MICU3: variants seen among roughly 807,000 people sequenced by gnomAD.
The protein encoded by MICU3 is mitochondrial calcium uptake 3.
Under a neutral mutation model 66.5 loss-of-function variants are expected in MICU3, and 62 were observed. The observed-to-expected ratio is 0.93, with a 90% CI of 0.76 to 1.15. MICU3 has a LOEUF of 1.15. Among genes scored for constraint, MICU3 ranks in the 50% most tolerant of loss-of-function variants. The pLI, the probability that MICU3 is intolerant of heterozygous loss-of-function variation, is 0.00. For missense variants in MICU3, 779 were observed against 664.4 expected (o/e 1.17, Z -1.90); for synonymous variants, 308 against 240.7 (o/e 1.28, Z -2.59).
chr8:17,086,838 C>T (rs1753459620), intron 6 of MICU3, 126 bp from the exon 7 acceptor site: 3 of 642,788 alleles, frequency 4.7e-6, no homozygotes, highest in African/African-American at 1.9e-5. Flanking sequence ...AGATCTATAG[C>T]AGTTTAAATG....
downstream of MICU3, among the ~76,000 whole-genome samples, chr8:17,123,962 A>C (rs1327525515): frequency 1.3e-5 from 2 of 151,158 alleles, no homozygotes; most frequent in South Asian, 2.1e-4. Context: ...AAAAAAAAAA[A>C]AAACCACCAT....
chr8:17,127,629 C>T (rs1803437114), downstream of MICU3, among the ~76,000 whole-genome samples: 1 of 152,160 alleles, frequency 6.6e-6, no homozygotes. Context: ...GCTACTAATT[C>T]AGTTTCTCAT....
At chr8:17,110,225 T>C (rs1753021485) in intron 11 of MICU3, among the ~76,000 whole-genome samples, 1 of 152,214 alleles carries the variant, frequency 6.6e-6, no homozygotes, top group African/African-American at 2.4e-5. Flanking sequence ...AGTTAGTCTT[T>C]TCCTCTTCCT....
chr8:17,103,012 A>G (rs1052746819), intron 9 of MICU3, among the ~76,000 whole-genome samples: 1 of 151,998 alleles, frequency 6.6e-6, no homozygotes, highest in Non-Finnish European at 1.5e-5. Context: ...AATGTCAACA[A>G]TTTTAGATAA....
chr8:17,050,600 T>TC (rs1442235998), intron 1 of MICU3, among the ~76,000 whole-genome samples: 1 of 152,170 alleles, frequency 6.6e-6, no homozygotes, highest in Non-Finnish European at 1.5e-5. Context: ...TGAGATCTAT[T>TC]CAAGTCTCAG....
At chr8:17,031,315 C>G (rs1248641453) in intron 1 of MICU3, among the ~76,000 whole-genome samples, 1 of 136,452 alleles carries the variant, frequency 7.3e-6, no homozygotes, top group East Asian at 2.1e-4. Flanking sequence ...TGAGACATAG[C>G]ATCGCTCTAT....
At chr8:17,134,797 C>G in the MICU3 span, among the ~76,000 whole-genome samples, 1 of 152,062 alleles carries the variant, frequency 6.6e-6, no homozygotes, top group Non-Finnish European at 1.5e-5. Flanking sequence ...TGTGGCCTGC[C>G]CACATCAGGG....
chr8:17,032,400 C>T (rs1056543086), intron 1 of MICU3, among the ~76,000 whole-genome samples: 7 of 151,476 alleles, frequency 4.6e-5, no homozygotes, highest in Admixed American at 1.3e-4. Context: ...AATAAAAAAA[C>T]GATTAGATTG....
intron 1 of MICU3, among the ~76,000 whole-genome samples, chr8:17,056,242 C>T (rs1167105909): frequency 1.3e-5 from 2 of 152,202 alleles, no homozygotes; most frequent in African/African-American, 4.8e-5. Context: ...TCTACTTACT[C>T]TTCTTTGAAT....
At chr8:17,061,505 C>G (rs1247263863) in intron 1 of MICU3, among the ~76,000 whole-genome samples, 1 of 152,016 alleles carries the variant, frequency 6.6e-6, no homozygotes, top group Non-Finnish European at 1.5e-5. Context: ...AGTAGTAGCA[C>G]CAGGTAGAGA....
intron 3 of MICU3, among the ~76,000 whole-genome samples, chr8:17,074,237 C>A (rs933666128): frequency 2.0e-5 from 3 of 151,734 alleles, no homozygotes; most frequent in Non-Finnish European, 4.4e-5. Context: ...ATTGCTCTAC[C>A]AACTAATGGA....
At chr8:17,044,682 C>G (rs556469679) in intron 1 of MICU3, among the ~76,000 whole-genome samples, 3 of 152,322 alleles carry the variant, frequency 2.0e-5, no homozygotes, top group African/African-American at 4.8e-5. Context: ...TCCACATGTC[C>G]TCACTTTACA....
chr8:17,114,234 A>G (rs1192156403), intron 12 of MICU3, 33 bp downstream of exon 12: 1 of 1,312,188 alleles, frequency 7.6e-7, no homozygotes, highest in African/African-American at 1.5e-5. Flanking sequence ...TAAAAGCAAG[A>G]AGTAATACTA....
intron 1 of MICU3, among the ~76,000 whole-genome samples, chr8:17,042,952 T>TA (rs1814431810): frequency 7.0e-6 from 1 of 143,780 alleles, no homozygotes; most frequent in East Asian, 2.0e-4. Context: ...TTTTTTTTTT[T>TA]TTTTTGAGAC....
intron 1 of MICU3, 132 bp downstream of exon 1, chr8:17,027,792 G>T (rs1220994346): frequency 8.8e-7 from 1 of 1,140,728 alleles, no homozygotes; most frequent in Non-Finnish European, 1.1e-6. Flanking sequence ...GAGCGAGGCT[G>T]ACACCTAGGC....
chr8:17,083,994 AG>A (rs1424448874), intron 5 of MICU3, among the ~76,000 whole-genome samples: 4 of 152,114 alleles, frequency 2.6e-5, no homozygotes, highest in African/African-American at 9.7e-5. Flanking sequence ...CAGAAAGGTT[AG>A]GATCTTTGGG....
intron 12 of MICU3, among the ~76,000 whole-genome samples, chr8:17,115,480 T>C (rs1181375505): frequency 6.6e-6 from 1 of 152,174 alleles, no homozygotes; most frequent in East Asian, 1.9e-4. Context: ...AAGTTGTTTG[T>C]TTTTTAGAAC....
At chr8:17,089,120 G>C (rs1034499916) in intron 7 of MICU3, among the ~76,000 whole-genome samples, 1 of 151,860 alleles carries the variant, frequency 6.6e-6, no homozygotes, top group African/African-American at 2.4e-5. Context: ...TAAAGTCTTT[G>C]ATATCCACAG....
At chr8:17,044,522 A>C (rs755437178) in intron 1 of MICU3, among the ~76,000 whole-genome samples, 2 of 152,212 alleles carry the variant, frequency 1.3e-5, no homozygotes, top group Non-Finnish European at 2.9e-5. Context: ...GAGGGATCAG[A>C]GGAATGTAAC....
Sources: allele counts gnomAD v4.1 joint callset (sites outside exome capture counted in the v4.1 genomes callset), GRCh38; gene constraint gnomAD v4.1.1; transcripts MANE v1.5; gene names NCBI Gene and HGNC (gene_info 2026-07-23, HGNC 2026-07-21).